Variants in CAPN3 observed in about 807,000 individuals in gnomAD.
The protein encoded by CAPN3 is calpain-3.
A neutral mutation model predicts 114.0 loss-of-function variants in CAPN3; 88 were observed. That is an observed-to-expected ratio of 0.77 (90% CI 0.65 to 0.92). CAPN3 has a LOEUF of 0.92. CAPN3 is among the 40% of genes least tolerant of loss of function. The pLI, the probability that CAPN3 is intolerant of heterozygous loss-of-function variation, is 0.00. For missense variants in CAPN3, 1,028 were observed against 1,069.0 expected (o/e 0.96, Z 0.53); for synonymous variants, 386 against 382.9 (o/e 1.01, Z -0.09).
intron 11 of CAPN3, 25 bp from the exon 12 acceptor site, chr15:42,402,099 A>G (rs778435702): frequency 1.2e-6 from 2 of 1,613,926 alleles, no homozygotes; most frequent in Admixed American, 1.7e-5. Flanking sequence ...CATCTGAAGC[A>G]TCTTCCTTTC....
At position 42,411,788 on chromosome 15, in the gene CAPN3, A is replaced by C. The variant is rs2054260256; in HGVS notation, c.*15A>C. The C allele has an allele frequency of 6.2e-7, 1 of 1,609,928 alleles. No individual in the cohort carries two copies. The highest frequency in any genetic ancestry group is 1.4e-5 in the African/African-American group (1 of 73,852). On this transcript the variant is annotated 3_prime_UTR_variant, in exon 24 of 24. Transcript: ENST00000397163. ...TGTATGCCTGAACCAGGCTGGCCTC[A>C]TCCAAAGCCATGCAGGATCACTCAG...
intron 13 of CAPN3, among the ~76,000 whole-genome samples, 171 bp from the exon 14 acceptor site, chr15:42,403,570 C>T (rs537238086): frequency 2.0e-5 from 3 of 152,004 alleles, no homozygotes; most frequent in African/African-American, 7.2e-5. Context: ...GCTTGGCTGT[C>T]GGGGATGGTG....
intron 1 of CAPN3, among the ~76,000 whole-genome samples, chr15:42,374,794 CTTTT>C (rs66487749): frequency 2.3e-5 from 2 of 85,400 alleles, no homozygotes; most frequent in African/African-American, 9.8e-5. Context: ...TATCATGTCT[CTTTT>C]TTTTTTTTTT....
rs146933502 is a variant in CAPN3 at position 42,406,949 on chromosome 15, C to G, written c.1800+1006C>G. ...GGAGCCGTTTCCACGGGTCTATCTG[C>G]TTGAGCTGTCCTAGATGAGCAGCAT... On this transcript the variant is annotated intron_variant, in intron 15 of 23. Transcript: ENST00000397163. 3.0e-3 allele frequency among the ~76,000 whole-genome samples: 464 copies of G among 152,268 alleles called. 1 individual carries two copies. Among genetic ancestry groups the G allele is most frequent in the Middle Eastern group, 6.8e-3 (2 of 294 alleles).
At chr15:42,390,790 G>GTTTTTTTTTTT (rs373599109) in intron 6 of CAPN3, among the ~76,000 whole-genome samples, 3 of 110,302 alleles carry the variant, frequency 2.7e-5, no homozygotes, top group Non-Finnish European at 3.9e-5. Context: ...TTGTTTTTTT[G>GTTTTTTTTTTT]TTTTTTTTTT....
intron 3 of CAPN3, 123 bp downstream of exon 3, chr15:42,386,408 G>A (rs775324529): frequency 1.4e-5 from 11 of 785,134 alleles, no homozygotes; most frequent in East Asian, 2.4e-5. Flanking sequence ...GGCAACAGTC[G>A]GCATGGACCC....
intron 20 of CAPN3, 32 bp from the exon 21 acceptor site, chr15:42,410,556 G>A: frequency 6.2e-7 from 1 of 1,608,776 alleles, no homozygotes. Flanking sequence ...GATTCAGTGT[G>A]TGACCTCCAT....
At chr15:42,397,505 G>A (rs1452300489) in intron 9 of CAPN3, among the ~76,000 whole-genome samples, 6 of 152,080 alleles carry the variant, frequency 3.9e-5, no homozygotes, top group Non-Finnish European at 5.9e-5. Flanking sequence ...GTAGCCGGGC[G>A]TGGCAGCGTG....
intron 10 of CAPN3, 24 bp downstream of exon 10, chr15:42,399,676 G>T: frequency 6.3e-7 from 1 of 1,575,840 alleles, no homozygotes; most frequent in Non-Finnish European, 8.6e-7. Flanking sequence ...TTGATGGGGG[G>T]AGGGTCTAAG....
chr15:42,396,665 G>A (rs927207302), intron 8 of CAPN3, 135 bp from the exon 9 acceptor site: 6 of 712,962 alleles, frequency 8.4e-6, no homozygotes, highest in African/African-American at 1.7e-5. Flanking sequence ...TTCACACTGA[G>A]GTTAACAGGT....
At position 42,389,081 on chromosome 15, in the gene CAPN3, G is replaced by A; in HGVS notation, c.786G>A (p.Met262Ile). The A allele has an allele frequency of 6.2e-7, 1 of 1,614,074 alleles. No individual in the cohort carries two copies. Residue 262 changes from methionine (M) to isoleucine (I), a missense_variant, in exon 5 of 24, where the codon ATG becomes ATA. Met to Ile is a conservative substitution (Grantham distance 10, BLOSUM62 1). Transcript: ENST00000397163. The stretch of plus-strand genomic sequence containing the variant: ...AAGCCATCGAGAGAGGCTCCCTCAT[G>A]GGCTGCTCCATTGATGTAAGTCTGG... ...MKKAIERGSL[M>I]GCSIDDGTNM...
chr15:42,362,859 A>G (rs2141108788), intron 1 of CAPN3, among the ~76,000 whole-genome samples: 1 of 152,358 alleles, frequency 6.6e-6, no homozygotes, highest in East Asian at 1.9e-4. Context: ...GACCTTTGCC[A>G]GCCCTATGCA....
At chr15:42,409,553 A>G (rs2054139716) in intron 17 of CAPN3, among the ~76,000 whole-genome samples, 173 bp downstream of exon 17, 1 of 152,182 alleles carries the variant, frequency 6.6e-6, no homozygotes, top group South Asian at 2.1e-4. Context: ...TTGGACTGCC[A>G]CGTCTGCTGG....
intron 2 of CAPN3, chr15:42,385,529 CACAG>C (rs995964950): frequency 4.4e-5 from 17 of 382,154 alleles, no homozygotes; most frequent in Admixed American, 1.6e-4. Flanking sequence ...TATATACACA[CACAG>C]AGAGAGAGAG....
intron 2 of CAPN3, among the ~76,000 whole-genome samples, chr15:42,385,151 GCAAGCTCTGT>G (rs1218095229): frequency 4.6e-5 from 7 of 152,170 alleles, no homozygotes; most frequent in African/African-American, 1.7e-4. Context: ...TGGACTATAA[GCAAGCTCTGT>G]GAAGTAAAAT....
chr15:42,408,501 G>C lies in CAPN3; in HGVS notation c.1914+177G>C, dbSNP rs181174439. 30 of 613,088 alleles carry C rather than the reference G, an allele frequency of 4.9e-5. No homozygotes were observed. In the African/African-American group the frequency reaches 5.1e-4, roughly 10 times the overall value. The allele number at this position is 613,088 out of a possible 1,614,324, so 38.0% of individuals were successfully genotyped here. A position where few individuals can be genotyped will look rare whatever the true frequency, so the allele number is the denominator to read the frequency against. On this transcript the variant is annotated intron_variant, in intron 16 of 23. Transcript: ENST00000397163. The stretch of plus-strand genomic sequence containing the variant: ...TCCCCTGAAATTTGGGCTGCTGCTT[G>C]GGTGAATATCCCAGGATGGGGGTTC...
intron 1 of CAPN3, among the ~76,000 whole-genome samples, chr15:42,382,444 C>T (rs1249557152): frequency 6.6e-6 from 1 of 152,168 alleles, no homozygotes; most frequent in Non-Finnish European, 1.5e-5. Flanking sequence ...TCTTGGCTCA[C>T]GGCAATCTCT....
intron 6 of CAPN3, 141 bp from the exon 7 acceptor site, chr15:42,392,498 G>A: frequency 1.5e-6 from 1 of 689,418 alleles, no homozygotes; most frequent in Non-Finnish European, 2.7e-6. Context: ...GTCCGTTCGT[G>A]GTCGTGAGGC....
chr15:42,380,279 C>T (rs1219518967), intron 1 of CAPN3, among the ~76,000 whole-genome samples: 14 of 148,154 alleles, frequency 9.4e-5, no homozygotes, highest in African/African-American at 3.5e-4. Context: ...TGCATTTGTT[C>T]TTGTCCCTGC....
Sources: gnomAD v4.1 joint callset for allele counts (sites outside exome capture counted in the v4.1 genomes callset) on GRCh38, gnomAD v4.1.1 for gene constraint, MANE v1.5 for transcripts, NCBI Gene and HGNC (gene_info 2026-07-23, HGNC 2026-07-21) for gene names.